Variants in CDH12 observed in about 807,000 individuals in gnomAD.
CDH12 encodes cadherin 12, also known as cadherin-12.
A neutral mutation model predicts 74.1 loss-of-function variants in CDH12; 41 were observed. The ratio of observed to expected loss-of-function variants is 0.55; its 90% confidence interval spans 0.43 to 0.72. CDH12 has a LOEUF of 0.72. Among genes scored for constraint, CDH12 ranks in the 30% least tolerant of loss-of-function variants. The probability of loss-of-function intolerance (pLI) is 0.00; values close to 1 mark genes in which losing one functional copy is unlikely to be tolerated. For synonymous variants in CDH12, 399 were observed against 355.0 expected (o/e 1.12, Z -1.39); for missense variants, 945 against 977.2 (o/e 0.97, Z 0.44).
chr5:21,919,229 A>C (rs1361963394), intron 6 of CDH12, among the ~76,000 whole-genome samples: 1 of 152,190 alleles, frequency 6.6e-6, no homozygotes, highest in African/African-American at 2.4e-5. Context: ...ACAAAATAAC[A>C]ATGTTTTACA....
At chr5:22,393,754 T>C (rs1004609414) in intron 3 of CDH12, among the ~76,000 whole-genome samples, 12 of 152,224 alleles carry the variant, frequency 7.9e-5, no homozygotes, top group African/African-American at 2.6e-4. Flanking sequence ...ATAAATTTCA[T>C]AGATTGAATG....
chr5:22,530,296 A>G (rs1385882407), intron 1 of CDH12, among the ~76,000 whole-genome samples: 1 of 152,174 alleles, frequency 6.6e-6, no homozygotes, highest in African/African-American at 2.4e-5. Context: ...TTGCTTTGCC[A>G]TATATTTAAC....
intron 2 of CDH12, among the ~76,000 whole-genome samples, chr5:22,471,960 G>A (rs193017711): frequency 6.6e-6 from 1 of 152,296 alleles, no homozygotes; most frequent in African/African-American, 2.4e-5. Context: ...AAAGGCACCT[G>A]AAGATTTATA....
chr5:22,775,490 T>C (rs927686650), intron 1 of CDH12, among the ~76,000 whole-genome samples: 2 of 152,124 alleles, frequency 1.3e-5, no homozygotes, highest in Non-Finnish European at 2.9e-5. Flanking sequence ...ATCTTCATTT[T>C]AATTTGGAAA....
chr5:22,823,101 G>A (rs987376070), intron 1 of CDH12, among the ~76,000 whole-genome samples: 11 of 151,958 alleles, frequency 7.2e-5, no homozygotes, highest in African/African-American at 2.4e-4. Flanking sequence ...GATGAAATTG[G>A]AAACCATCAT....
At chr5:22,729,733 G>C (rs1179881472) in intron 1 of CDH12, among the ~76,000 whole-genome samples, 1 of 151,870 alleles carries the variant, frequency 6.6e-6, no homozygotes, top group Admixed American at 6.6e-5. Flanking sequence ...TTAAAAGTTT[G>C]TCTTGTAGTT....
intron 6 of CDH12, among the ~76,000 whole-genome samples, chr5:21,969,106 C>G (rs1241002172): frequency 2.6e-5 from 4 of 151,042 alleles, no homozygotes; most frequent in Non-Finnish European, 5.9e-5. Flanking sequence ...AACAAACCTG[C>G]ACATCCTGCA....
At chr5:22,576,378 C>A (rs1253443362) in intron 1 of CDH12, among the ~76,000 whole-genome samples, 1 of 152,150 alleles carries the variant, frequency 6.6e-6, no homozygotes, top group Admixed American at 6.5e-5. Context: ...GGTAAAGAGG[C>A]AACCTTCATG....
At chr5:22,329,425 A>C (rs915947984) in intron 3 of CDH12, among the ~76,000 whole-genome samples, 1 of 152,196 alleles carries the variant, frequency 6.6e-6, no homozygotes, top group Admixed American at 6.5e-5. Context: ...GTTTCTAACC[A>C]CTAGAATATG....
At chr5:22,153,889 A>ATATATGT in intron 4 of CDH12, among the ~76,000 whole-genome samples, 1 of 42,060 alleles carries the variant, frequency 2.4e-5, no homozygotes, top group Non-Finnish European at 5.2e-5. Context: ...TATATATATA[A>ATATATGT]ATATATATAT....
At chr5:22,054,885 C>A (rs916546239) in intron 5 of CDH12, among the ~76,000 whole-genome samples, 1 of 152,134 alleles carries the variant, frequency 6.6e-6, no homozygotes, top group African/African-American at 2.4e-5. Flanking sequence ...CCACAATGGG[C>A]ATATCCTGGG....
intron 4 of CDH12, among the ~76,000 whole-genome samples, chr5:22,102,687 A>C (rs201695284): frequency 8.7e-4 from 87 of 100,420 alleles, no homozygotes; most frequent in African/African-American, 2.3e-3. Flanking sequence ...TAAATAAATA[A>C]ATAAATACAT....
At chr5:21,860,011 C>G (rs1750950483) in intron 6 of CDH12, among the ~76,000 whole-genome samples, 1 of 151,274 alleles carries the variant, frequency 6.6e-6, no homozygotes, top group African/African-American at 2.4e-5. Context: ...GTCACTCCAC[C>G]AGGTAAAAAA....
chr5:21,786,145 C>T (rs1269316761), intron 10 of CDH12, among the ~76,000 whole-genome samples: 1 of 152,012 alleles, frequency 6.6e-6, no homozygotes, highest in East Asian at 1.9e-4. Context: ...CATCTGCTCA[C>T]AGCATGGTTT....
At chr5:21,975,677 C>T (rs1377652616) in intron 5 of CDH12, among the ~76,000 whole-genome samples, 7 of 152,092 alleles carry the variant, frequency 4.6e-5, no homozygotes, top group African/African-American at 9.7e-5. Context: ...AGATAGATCT[C>T]ATATCTATTC....
intron 1 of CDH12, among the ~76,000 whole-genome samples, chr5:22,670,626 A>C (rs1039504801): frequency 1.3e-5 from 2 of 152,130 alleles, no homozygotes; most frequent in Non-Finnish European, 2.9e-5. Flanking sequence ...TACATGCTTT[A>C]CTGGCTATTT....
intron 3 of CDH12, among the ~76,000 whole-genome samples, chr5:22,261,302 TC>T (rs1753502925): frequency 6.6e-6 from 1 of 151,954 alleles, no homozygotes; most frequent in South Asian, 2.1e-4. Flanking sequence ...TTCTGAGTTA[TC>T]TTATATTTAT....
chr5:21,945,427 C>CAAAA (rs1167475672), intron 6 of CDH12, among the ~76,000 whole-genome samples: 299 of 15,534 alleles, frequency 0.019, 41 homozygotes, highest in Middle Eastern at 0.062. Context: ...CTGTTTCAGA[C>CAAAA]AAAAAAAAAA....
At chr5:22,614,870 G>A (rs1027938239) in intron 1 of CDH12, among the ~76,000 whole-genome samples, 3 of 151,874 alleles carry the variant, frequency 2.0e-5, no homozygotes, top group Non-Finnish European at 4.4e-5. Context: ...TCACACTGTC[G>A]TACTGTGACA....
Sources: gnomAD v4.1 joint callset for allele counts (sites outside exome capture counted in the v4.1 genomes callset) on GRCh38, gnomAD v4.1.1 for gene constraint, MANE v1.5 for transcripts, NCBI Gene and HGNC (gene_info 2026-07-23, HGNC 2026-07-21) for gene names.